Variants in TINAG observed in about 807,000 individuals in gnomAD.
The protein encoded by TINAG is tubulointerstitial nephritis antigen.
TINAG carries 83 observed loss-of-function variants against 72.7 expected under a neutral mutation model. That is an observed-to-expected ratio of 1.14 (90% confidence interval 0.96 to 1.37). The LOEUF (loss-of-function observed/expected upper bound fraction) is 1.37. Among genes scored for constraint, TINAG ranks in the 40% most tolerant of loss-of-function variants. The pLI is 0.00. For missense variants in TINAG, 685 were observed against 576.6 expected, an observed-to-expected ratio of 1.19 and a Z score of -1.93; for synonymous variants, 234 against 189.9, an observed-to-expected ratio of 1.23 and a Z score of -1.91.
At chr6:54,353,602 G>A (rs35695786) in intron 8 of TINAG, among the ~76,000 whole-genome samples, 8 of 151,658 alleles carry the variant, frequency 5.3e-5, no homozygotes, top group African/African-American at 1.2e-4. Flanking sequence ...CCTCTTTTGC[G>A]ACTATTTGCA....
rs768636988 is a variant in TINAG, at chr6:54,349,791, G to A, written c.975G>A (p.Arg325=). 5 of 1,606,712 alleles carry A rather than the reference G, an allele frequency of 3.1e-6. No homozygotes were observed. The highest frequency in any genetic ancestry group is 3.4e-6 in the Non-Finnish European group (4 of 1,175,588). The change falls in exon 7 of 11, where the codon AGG becomes AGA. Residue 325 remains arginine (R), a synonymous_variant. Coordinates refer to ENST00000259782, the MANE Select transcript of TINAG (RefSeq NM_014464.4). ...ACAATGGATGTGCCATGGCAAGCAGGTCTGATGGGCGAGGAAAACGGCATG... is the reference window on the plus strand; with the variant it reads ...ACAATGGATGTGCCATGGCAAGCAGATCTGATGGGCGAGGAAAACGGCATG... ...ATNNGCAMAS[R]SDGRGKRHAT...
At chr6:54,360,841 G>GTTTTGTTTTTTTTTTTTTTTTTTTTTTT (rs1763205728) in intron 9 of TINAG, among the ~76,000 whole-genome samples, 1 of 26,242 alleles carries the variant, frequency 3.8e-5, no homozygotes, top group Non-Finnish European at 8.5e-5. Flanking sequence ...CAGATACTGT[G>GTTTTGTTTTTTTTTTTTTTTTTTTTTTT]TTTTTTTTTT....
intron 9 of TINAG, among the ~76,000 whole-genome samples, chr6:54,372,778 A>ACACACG (rs1554209176): frequency 6.8e-6 from 1 of 147,086 alleles, no homozygotes; most frequent in African/African-American, 2.5e-5. Flanking sequence ...ATATACACAC[A>ACACACG]CACACACATA....
At chr6:54,364,919 A>T (rs1582744527) in intron 9 of TINAG, among the ~76,000 whole-genome samples, 1 of 151,506 alleles carries the variant, frequency 6.6e-6, no homozygotes, top group Admixed American at 6.6e-5. Flanking sequence ...GAAATCCAAG[A>T]TCATAAATTA....
chr6:54,367,343 A>G (rs1763463638), intron 9 of TINAG, among the ~76,000 whole-genome samples: 1 of 151,818 alleles, frequency 6.6e-6, no homozygotes, highest in Non-Finnish European at 1.5e-5. Flanking sequence ...GCTGAATAAC[A>G]TTTAAAAAGT....
intron 4 of TINAG, among the ~76,000 whole-genome samples, chr6:54,334,729 A>T (rs905073079): frequency 6.6e-6 from 1 of 152,164 alleles, no homozygotes; most frequent in Non-Finnish European, 1.5e-5. Flanking sequence ...GGCCAATGCT[A>T]ATTGGAACTC....
chr6:54,310,377 C>T (rs1489329365), intron 1 of TINAG, among the ~76,000 whole-genome samples: 1 of 151,956 alleles, frequency 6.6e-6, no homozygotes, highest in African/African-American at 2.4e-5. Context: ...TGAATCACTG[C>T]TCCTAGACTT....
intron 4 of TINAG, among the ~76,000 whole-genome samples, chr6:54,327,829 C>T (rs978330461): frequency 6.6e-6 from 1 of 151,946 alleles, no homozygotes; most frequent in Non-Finnish European, 1.5e-5. Flanking sequence ...AAACTGCCAC[C>T]CCTTATAAAC....
chr6:54,377,999 A>T (rs1182794796), intron 9 of TINAG, among the ~76,000 whole-genome samples: 2 of 152,068 alleles, frequency 1.3e-5, no homozygotes, highest in East Asian at 1.9e-4. Context: ...TTGCAACTCT[A>T]TGAAATATTT....
chr6:54,358,900 C>T (rs1271957860), intron 9 of TINAG, among the ~76,000 whole-genome samples: 1 of 151,684 alleles, frequency 6.6e-6, no homozygotes, highest in Admixed American at 6.6e-5. Flanking sequence ...GCAAATGGTC[C>T]TCATTACAAA....
At chr6:54,320,492 C>G in intron 1 of TINAG, 87 bp from the exon 2 acceptor site, 1 of 1,120,366 alleles carries the variant, frequency 8.9e-7, no homozygotes, top group Non-Finnish European at 1.3e-6. Context: ...ATTTGAAAAG[C>G]TAACTATGAT....
chr6:54,325,694 C>T (rs1464679763), intron 3 of TINAG, among the ~76,000 whole-genome samples: 1 of 152,158 alleles, frequency 6.6e-6, no homozygotes, highest in African/African-American at 2.4e-5. Context: ...TTGAAAACTA[C>T]TAACATAGGG....
chr6:54,374,106 TTCATAGG>T (rs1232417628), intron 9 of TINAG, among the ~76,000 whole-genome samples: 1 of 152,102 alleles, frequency 6.6e-6, no homozygotes, highest in Non-Finnish European at 1.5e-5. Flanking sequence ...CAAACTTCTT[TTCATAGG>T]TCAAATTACA....
intron 5 of TINAG, among the ~76,000 whole-genome samples, chr6:54,345,945 AT>A (rs138273962): frequency 0.015 from 2,302 of 152,188 alleles, 60 homozygotes; most frequent in African/African-American, 0.051. Flanking sequence ...GAGAAAAAAA[AT>A]AAACTTTCAC....
rs531117770 is a variant in TINAG at position 54,334,987 on chromosome 6, C to T, written c.624+8071C>T. Among the ~76,000 whole-genome samples, 20 of 151,940 alleles carry T rather than the reference C, an allele frequency of 1.3e-4. 1 individual carries two copies. In the South Asian group the frequency reaches 3.3e-3, roughly 25 times the overall value. ...TTTATTTCTCATTTTTGTTCTTACC[C>T]AGTGAGAAAAAATAGTGGGCAGCAT... On this transcript the variant is annotated intron_variant, in intron 4 of 10. Transcript: ENST00000259782.
At chr6:54,338,388 T>C (rs1402882908) in intron 4 of TINAG, among the ~76,000 whole-genome samples, 3 of 152,140 alleles carry the variant, frequency 2.0e-5, no homozygotes, top group Non-Finnish European at 4.4e-5. Context: ...CTCTGGCCTC[T>C]CCATGGCTGG....
At chr6:54,343,390 T>C (rs370296394) in intron 5 of TINAG, 41 bp downstream of exon 5, 65 of 1,423,602 alleles carry the variant, frequency 4.6e-5, no homozygotes, top group Admixed American at 2.3e-4. Flanking sequence ...AAACTACTCC[T>C]TTTGGCTCTA....
chr6:54,367,560 T>C (rs1763471971), intron 9 of TINAG, among the ~76,000 whole-genome samples: 1 of 151,758 alleles, frequency 6.6e-6, no homozygotes, highest in Non-Finnish European at 1.5e-5. Context: ...GTGCAGGTGC[T>C]GTAGAGATGG....
chr6:54,339,054 T>G (rs1266759884), intron 4 of TINAG, among the ~76,000 whole-genome samples: 1 of 152,214 alleles, frequency 6.6e-6, no homozygotes, highest in Non-Finnish European at 1.5e-5. Flanking sequence ...CATATTTTTT[T>G]CACCCATTAA....
Sources: gnomAD v4.1 joint callset for allele counts (sites outside exome capture counted in the v4.1 genomes callset) on GRCh38, gnomAD v4.1.1 for gene constraint, MANE v1.5 for transcripts, NCBI Gene and HGNC (gene_info 2026-07-23, HGNC 2026-07-21) for gene names.